The following PLB1 variants were observed in gnomAD, a reference collection of about 807,000 sequenced individuals.
The protein encoded by PLB1 is phospholipase B1.
In PLB1, 242 loss-of-function variants were observed where a neutral mutation model predicts 227.4. That is an observed-to-expected ratio of 1.06 (90% CI 0.96 to 1.18). The LOEUF (loss-of-function observed/expected upper bound fraction) is 1.18. Ranked by LOEUF, PLB1 falls within the 50% of genes most tolerant of loss-of-function variation. The probability of loss-of-function intolerance (pLI) is 0.00; values close to 1 mark genes in which losing one functional copy is unlikely to be tolerated. For synonymous variants in PLB1, 757 were observed against 682.2 expected, an observed-to-expected ratio of 1.11 and a Z score of -1.71; for missense variants, 1,858 against 1,816.3, an observed-to-expected ratio of 1.02 and a Z score of -0.42.
At chr2:28,544,879 A>G (rs892124120) in intron 14 of PLB1, among the ~76,000 whole-genome samples, 4 of 152,162 alleles carry the variant, frequency 2.6e-5, no homozygotes, top group African/African-American at 7.2e-5. Flanking sequence ...TCCCAGCGTG[A>G]AAGGAGCCCT....
At chr2:28,585,452 T>G in intron 25 of PLB1, 1 of 281,842 alleles carries the variant, frequency 3.5e-6, no homozygotes, top group Non-Finnish European at 7.0e-6. Context: ...ATAGTTTGTA[T>G]TTTTAGTAGA....
In PLB1 at chr2:28,573,194, C is replaced by T. The variant is rs1678310296; in HGVS notation, c.1325-3C>T. 4 of 1,609,840 alleles carry T rather than the reference C, an allele frequency of 2.5e-6. No individual in the cohort carries two copies. Among genetic ancestry groups the T allele is most frequent in the Non-Finnish European group, 3.4e-6 (4 of 1,176,378 alleles). ...TAAGCGTGTCTTTTCCTTGTATTTG[C>T]AGACATCCTCCGGGAATTCAACCCT... On this transcript the variant is annotated splice_region_variant and splice_polypyrimidine_tract_variant and intron_variant, in intron 20 of 57. Transcript: ENST00000327757.
intron 2 of PLB1, 74 bp downstream of exon 2, chr2:28,516,943 C>G (rs947709864): frequency 2.0e-6 from 3 of 1,480,814 alleles, no homozygotes; most frequent in African/African-American, 2.8e-5. Flanking sequence ...GTGGGTAAAC[C>G]CAAGTTTTGG....
chr2:28,579,708 G>C lies in PLB1; in HGVS notation c.1566+1G>C. The C allele has an allele frequency of 2.5e-6, 4 of 1,611,224 alleles. No homozygotes were observed. The highest frequency in any genetic ancestry group is 2.2e-5 in the East Asian group (1 of 44,838). The stretch of plus-strand genomic sequence containing the variant: ...CCTCTGTGATTTCTGCAATGATCTG[G>C]TAGGTCTCCAGGCACTTTACTCAAG... On this transcript the variant is annotated splice_donor_variant, in intron 23 of 57. Coordinates refer to ENST00000327757, the MANE Select transcript of PLB1 (RefSeq NM_153021.5). LOFTEE classifies it high-confidence loss of function.
chr2:28,516,747 A>C, intron 1 of PLB1, 61 bp from the exon 2 acceptor site: 1,597 of 1,282,414 alleles, frequency 1.2e-3, no homozygotes, highest in Non-Finnish European at 1.6e-3. Flanking sequence ...CATGAAAGCT[A>C]CAAATTTGGG....
intron 1 of PLB1, among the ~76,000 whole-genome samples, chr2:28,498,063 T>C (rs1666675746): frequency 6.6e-6 from 1 of 151,776 alleles, no homozygotes; most frequent in African/African-American, 2.4e-5. Context: ...TTATGGTTTG[T>C]GCTCTTTGTA....
intron 40 of PLB1, 94 bp from the exon 41 acceptor site, chr2:28,604,561 A>G (rs1684379198): frequency 2.3e-6 from 2 of 875,578 alleles, no homozygotes; most frequent in African/African-American, 3.4e-5. Flanking sequence ...CCCTCCATCC[A>G]GGGAGATGGA....
At chr2:28,638,748 A>G (rs1016928158) in intron 56 of PLB1, among the ~76,000 whole-genome samples, 2 of 151,522 alleles carry the variant, frequency 1.3e-5, no homozygotes, top group African/African-American at 4.9e-5. Context: ...ACATGGTGCA[A>G]ACTGCCTTCC....
intron 56 of PLB1, among the ~76,000 whole-genome samples, chr2:28,639,266 G>A (rs552910568): frequency 2.0e-5 from 3 of 151,930 alleles, no homozygotes; most frequent in African/African-American, 7.3e-5. Flanking sequence ...AGAGAAGTCA[G>A]TGTTTCAAGA....
chr2:28,534,055 T>C (rs750383001), intron 9 of PLB1, among the ~76,000 whole-genome samples: 1 of 152,234 alleles, frequency 6.6e-6, no homozygotes, highest in Non-Finnish European at 1.5e-5. Context: ...TGTGCTTGTA[T>C]GTATGAGAGA....
intron 38 of PLB1, 114 bp downstream of exon 38, chr2:28,602,078 A>G: frequency 1.0e-6 from 1 of 1,003,596 alleles, no homozygotes; most frequent in South Asian, 1.3e-5. Flanking sequence ...AGCCAGGGGC[A>G]TGGACTCCTT....
intron 51 of PLB1, 138 bp downstream of exon 51, chr2:28,626,646 C>A: frequency 1.3e-6 from 1 of 761,668 alleles, no homozygotes; most frequent in Non-Finnish European, 2.2e-6. Flanking sequence ...CCAGGCCCTC[C>A]CTGGTTTACA....
chr2:28,591,221 C>T, intron 30 of PLB1, 50 bp downstream of exon 30: 2 of 1,608,894 alleles, frequency 1.2e-6, no homozygotes, highest in Admixed American at 1.7e-5. Context: ...CAATGGGCAA[C>T]CCCTGGGCTG....
intron 56 of PLB1, among the ~76,000 whole-genome samples, chr2:28,640,202 ACT>A (rs997524900): frequency 7.2e-5 from 11 of 151,946 alleles, no homozygotes; most frequent in African/African-American, 2.7e-4. Flanking sequence ...TTCCAAACAG[ACT>A]CTGAATAGGT....
At chr2:28,514,061 T>G (rs901527913) in intron 1 of PLB1, among the ~76,000 whole-genome samples, 2 of 152,240 alleles carry the variant, frequency 1.3e-5, no homozygotes, top group Non-Finnish European at 2.9e-5. Context: ...AACTTAATAG[T>G]AGAGTGCTGA....
At chr2:28,626,076 G>C (rs1433430727) in intron 50 of PLB1, among the ~76,000 whole-genome samples, 1 of 151,346 alleles carries the variant, frequency 6.6e-6, no homozygotes. Flanking sequence ...GCTCACTGCA[G>C]CATCTGCCTC....
intron 51 of PLB1, among the ~76,000 whole-genome samples, chr2:28,627,633 G>A (rs1321343147): frequency 6.6e-6 from 1 of 152,180 alleles, no homozygotes; most frequent in Non-Finnish European, 1.5e-5. Context: ...CCAACTCCCA[G>A]TACCCCTTCT....
At chr2:28,591,367 C>T (rs2148284893) in intron 30 of PLB1, among the ~76,000 whole-genome samples, 196 bp downstream of exon 30, 1 of 152,336 alleles carries the variant, frequency 6.6e-6, no homozygotes, top group Middle Eastern at 3.4e-3. Flanking sequence ...TCCAGCCAAC[C>T]CAATCACAGC....
rs1240981548 is a variant in PLB1 at position 28,575,380 on chromosome 2, A to AT, written c.1433+2080dup. ...GGATTATTTGGATTTTTTAGATCCT[A>AT]TTTTTAATCACAAACATCACACTAC... On this transcript the variant is annotated intron_variant, in intron 21 of 57. Transcript: ENST00000327757. Among the ~76,000 whole-genome samples the AT allele has an allele frequency of 2.0e-5, 3 of 152,020 alleles. No homozygotes were observed. In the East Asian group the frequency reaches 5.8e-4, roughly 29 times the overall value.
Sources: gnomAD v4.1 joint callset for allele counts (sites outside exome capture counted in the v4.1 genomes callset) on GRCh38, gnomAD v4.1.1 for gene constraint, MANE v1.5 for transcripts, NCBI Gene and HGNC (gene_info 2026-07-23, HGNC 2026-07-21) for gene names.